KCNQ1: variants seen among roughly 807,000 people sequenced by gnomAD.
The protein encoded by KCNQ1 is potassium voltage-gated channel subfamily KQT member 1.
A neutral mutation model predicts 72.4 loss-of-function variants in KCNQ1; 49 were observed. The ratio of observed to expected loss-of-function variants is 0.68; its 90% CI spans 0.54 to 0.86. The LOEUF is 0.86. KCNQ1 is among the 40% of genes least tolerant of loss of function. The pLI, the probability that KCNQ1 is intolerant of heterozygous loss-of-function variation, is 0.00. For synonymous variants in KCNQ1, 450 were observed against 412.6 expected (o/e 1.09, Z -1.10); for missense variants, 790 against 945.1 (o/e 0.84, Z 2.15).
chr11:2,525,970 A>G (rs1241763686), intron 1 of KCNQ1, among the ~76,000 whole-genome samples: 2 of 152,178 alleles, frequency 1.3e-5, no homozygotes, highest in Non-Finnish European at 2.9e-5. Context: ...GCTTGAGTAT[A>G]AAGGACACAG....
In KCNQ1 at chr11:2,451,577, C is replaced by A. The variant is rs1321019776; in HGVS notation, c.386+6093C>A. ...GGGTGGATGGACCAGCAGAAAGGCT[C>A]CCAGGAGGGTCGTGGCTCCCTCATC... On this transcript the variant is annotated intron_variant, in intron 1 of 15. Coordinates refer to ENST00000155840, the MANE Select transcript of KCNQ1 (RefSeq NM_000218.3). The surrounding 1 kb of genome is among the most constrained non-coding windows in gnomAD (Gnocchi z 6.4). Among the ~76,000 whole-genome samples the A allele has an allele frequency of 6.6e-6, 1 of 152,306 alleles. No individual in the cohort carries two copies. The highest frequency in any genetic ancestry group is 1.5e-5 in the Non-Finnish European group (1 of 68,022).
In KCNQ1 at chr11:2,671,596, C is replaced by T. The variant is rs1554905148; in HGVS notation, c.1514+9515C>T. 1 of 398,654 alleles carries T rather than the reference C, an allele frequency of 2.5e-6. No individual in the cohort carries two copies. The highest frequency in any genetic ancestry group is 4.4e-6 in the Non-Finnish European group (1 of 226,070). 24.7% of individuals were successfully genotyped at this position (398,654 alleles called of 1,614,324 possible). A position where few individuals can be genotyped will look rare whatever the true frequency, so the allele number is the denominator to read the frequency against. On this transcript the variant is annotated intron_variant, in intron 11 of 15. Transcript: ENST00000155840. The surrounding 1 kb of genome is among the most constrained non-coding windows in gnomAD (Gnocchi z 4.7). ...TGAGCATTTATACAAGATCAGACTG[C>T]ACTGCACCCTAAGTATAAACCTTGC...
At chr11:2,744,529 C>G (rs951836649) in intron 11 of KCNQ1, among the ~76,000 whole-genome samples, 6 of 152,226 alleles carry the variant, frequency 3.9e-5, no homozygotes, top group Admixed American at 2.6e-4. Context: ...TTCCCTCACT[C>G]TCTCATTCAT....
At chr11:2,802,735 G>A (rs897079817) in intron 15 of KCNQ1, among the ~76,000 whole-genome samples, 56 of 152,254 alleles carry the variant, frequency 3.7e-4, no homozygotes, top group African/African-American at 1.3e-3. Context: ...TTTGCAGGGC[G>A]GGGTTGTCTC....
At chr11:2,835,222 T>A (rs1590119585) in intron 15 of KCNQ1, among the ~76,000 whole-genome samples, 1 of 152,042 alleles carries the variant, frequency 6.6e-6, no homozygotes, top group South Asian at 2.1e-4. Context: ...ACCTGGAGGG[T>A]GGGCAGGGCT....
At chr11:2,472,506 G>T (rs1846500973) in intron 1 of KCNQ1, among the ~76,000 whole-genome samples, 1 of 152,126 alleles carries the variant, frequency 6.6e-6, no homozygotes. Flanking sequence ...TCATCTCAGG[G>T]TGAAGCACCT....
chr11:2,688,437 T>C, intron 11 of KCNQ1: 1 of 398,776 alleles, frequency 2.5e-6, no homozygotes, highest in Non-Finnish European at 4.4e-6. Context: ...AGCCCCTGCC[T>C]GTGCCATCAC....
rs1035986878 is a variant in KCNQ1, at chr11:2,725,064, A to G, written c.1515-43780A>G. ...TAGAGAAGCACAGGGTCTGAGAAGCATCAGACAATGACTCCTAAACAAGCT... is the reference window on the plus strand; with the variant it reads ...TAGAGAAGCACAGGGTCTGAGAAGCGTCAGACAATGACTCCTAAACAAGCT... On this transcript the variant is annotated intron_variant, in intron 11 of 15. Coordinates refer to ENST00000155840, the MANE Select transcript of KCNQ1 (RefSeq NM_000218.3). This position sits in a 1 kb window ranked among gnomAD's most constrained non-coding sequence, Gnocchi z 7.2. Among the ~76,000 whole-genome samples the G allele has an allele frequency of 6.6e-6, 1 of 152,238 alleles. No individual in the cohort carries two copies. The highest frequency in any genetic ancestry group is 6.5e-5 in the Admixed American group (1 of 15,280).
At chr11:2,558,338 T>C (rs561137339) in intron 2 of KCNQ1, among the ~76,000 whole-genome samples, 1 of 152,418 alleles carries the variant, frequency 6.6e-6, no homozygotes, top group East Asian at 1.9e-4. Context: ...TTGCACACTG[T>C]GTAAGCATAC....
rs998095445 is a variant in KCNQ1 at position 2,781,481 on chromosome 11, C to A, written c.1794+3444C>A. Among the ~76,000 whole-genome samples, 4 of 152,210 alleles carry A rather than the reference C, an allele frequency of 2.6e-5. No homozygotes were observed. Among genetic ancestry groups the A allele is most frequent in the Non-Finnish European group, 4.4e-5 (3 of 68,036 alleles). On this transcript the variant is annotated intron_variant, in intron 15 of 15. Coordinates refer to ENST00000155840, the MANE Select transcript of KCNQ1 (RefSeq NM_000218.3). This position sits in a 1 kb window ranked among gnomAD's most constrained non-coding sequence, Gnocchi z 6.6. ...AGTGTGGGCCAGGGACCAATGCAGG[C>A]GGTCGGGAGAGGTCCGGAGAGAGCT... is the stretch of plus-strand genomic sequence containing the variant.
At chr11:2,470,336 G>C (rs1291269419) in intron 1 of KCNQ1, among the ~76,000 whole-genome samples, 7 of 152,334 alleles carry the variant, frequency 4.6e-5, no homozygotes, top group Admixed American at 2.6e-4. Context: ...TCTTGAAAAG[G>C]GGAGGGGCAT....
Position 2,562,485 on chromosome 11 carries a change from G to C in KCNQ1, c.478-8143G>C, listed in dbSNP as rs1353453706. The stretch of plus-strand genomic sequence containing the variant: ...GCTGGCCCCAAAGCCCGCCAGCCGG[G>C]CTCTATGCTGTGGGGACCACTGCCC... On this transcript the variant is annotated intron_variant, in intron 2 of 15. Transcript: ENST00000155840. The surrounding 1 kb of genome is among the most constrained non-coding windows in gnomAD (Gnocchi z 7.5). 2.0e-5 allele frequency among the ~76,000 whole-genome samples: 3 copies of C among 152,210 alleles called. No individual in the cohort carries two copies. The highest frequency in any genetic ancestry group is 4.4e-5 in the Non-Finnish European group (3 of 68,018).
rs971370398 is a variant in KCNQ1 at position 2,457,048 on chromosome 11, A to G, written c.386+11564A>G. Among the ~76,000 whole-genome samples, 1 of 152,224 alleles carries G rather than the reference A, an allele frequency of 6.6e-6. No homozygotes were observed. The highest frequency in any genetic ancestry group is 1.5e-5 in the Non-Finnish European group (1 of 68,044). On this transcript the variant is annotated intron_variant, in intron 1 of 15. Transcript: ENST00000155840. The surrounding 1 kb of genome is among the most constrained non-coding windows in gnomAD (Gnocchi z 5.0). ...TACAAACAGTCAAACACATGAAAAA[A>G]TGCTCATCACTGATCATCAGAGAAA... is the stretch of plus-strand genomic sequence containing the variant.
intron 1 of KCNQ1, among the ~76,000 whole-genome samples, chr11:2,490,329 C>T (rs1846814357): frequency 6.6e-6 from 1 of 152,210 alleles, no homozygotes; most frequent in African/African-American, 2.4e-5. Flanking sequence ...ATCTCTGGAC[C>T]CACCTTGGAC....
In KCNQ1 at chr11:2,484,868, G is replaced by A. The variant is rs994532975; in HGVS notation, c.386+39384G>A. On this transcript the variant is annotated intron_variant, in intron 1 of 15. Transcript: ENST00000155840. This position sits in a 1 kb window ranked among gnomAD's most constrained non-coding sequence, Gnocchi z 5.2. The stretch of plus-strand genomic sequence containing the variant: ...TGTCTCCAACTCCAGTTCTGCCCCA[G>A]TGGGGCCAATTCTCTCTCTTTGTTG... Among the ~76,000 whole-genome samples the A allele has an allele frequency of 1.1e-4, 16 of 152,200 alleles. No individual in the cohort carries two copies. Among genetic ancestry groups the A allele is most frequent in the Admixed American group, 6.5e-5 (1 of 15,290 alleles).
intron 2 of KCNQ1, among the ~76,000 whole-genome samples, chr11:2,557,826 T>C (rs1032337897): frequency 1.3e-5 from 2 of 152,226 alleles, no homozygotes; most frequent in African/African-American, 4.8e-5. Flanking sequence ...AAGAACTTCA[T>C]AGGACTGTGC....
At chr11:2,524,864 G>A (rs1564806338) in intron 1 of KCNQ1, among the ~76,000 whole-genome samples, 1 of 152,158 alleles carries the variant, frequency 6.6e-6, no homozygotes, top group Non-Finnish European at 1.5e-5. Flanking sequence ...TGCAGATGGT[G>A]CCCTGGCCCT....
Position 2,674,264 on chromosome 11 carries a change from C to T in KCNQ1, c.1514+12183C>T. On this transcript the variant is annotated intron_variant, in intron 11 of 15. Coordinates refer to ENST00000155840, the MANE Select transcript of KCNQ1 (RefSeq NM_000218.3). This position sits in a 1 kb window ranked among gnomAD's most constrained non-coding sequence, Gnocchi z 5.9. The stretch of plus-strand genomic sequence containing the variant: ...AGCTGGAGGCCCCTCTCTCCCAGCC[C>T]CCGGCACACACACTAGGACCTTTCT... 2 of 398,652 alleles carry T rather than the reference C, an allele frequency of 5.0e-6. No homozygotes were observed. The highest frequency in any genetic ancestry group is 3.6e-5 in the East Asian group (1 of 28,058). The allele number at this position is 398,652 out of a possible 1,614,324, so 24.7% of individuals were successfully genotyped here. A position where few individuals can be genotyped will look rare whatever the true frequency, so the allele number is the denominator to read the frequency against.
chr11:2,762,696 G>A lies in KCNQ1; in HGVS notation c.1515-6148G>A, dbSNP rs912415646. On this transcript the variant is annotated intron_variant, in intron 11 of 15. Transcript: ENST00000155840. This position sits in a 1 kb window ranked among gnomAD's most constrained non-coding sequence, Gnocchi z 4.3. ...TGGCATTAGATTCTCGCAGGAGCGC[G>A]AACCCTGTTGTGAATGCACATGTGA... 3.3e-5 allele frequency among the ~76,000 whole-genome samples: 5 copies of A among 152,324 alleles called. No homozygotes were observed. The highest frequency in any genetic ancestry group is 1.9e-4 in the East Asian group (1 of 5,188).
Sources: allele counts gnomAD v4.1 joint callset (sites outside exome capture counted in the v4.1 genomes callset), GRCh38; gene constraint gnomAD v4.1.1; non-coding constraint Gnocchi (gnomAD v3.1); transcripts MANE v1.5; gene names NCBI Gene and HGNC (gene_info 2026-07-23, HGNC 2026-07-21).